URM1: variants seen among roughly 807,000 people sequenced by gnomAD.
The protein encoded by URM1 is ubiquitin-related modifier 1.
Under a neutral mutation model 17.7 loss-of-function variants are expected in URM1, and 11 were observed. That is an observed-to-expected ratio of 0.62 (90% CI 0.39 to 1.03). URM1 has a LOEUF of 1.03. Ranked by LOEUF, URM1 falls within the 50% of genes least tolerant of loss-of-function variation. URM1 has a pLI of 0.00. For missense variants in URM1, 128 were observed against 129.2 expected, an observed-to-expected ratio of 0.99 and a Z score of 0.04; for synonymous variants, 48 against 50.6, an observed-to-expected ratio of 0.95 and a Z score of 0.22.
At chr9:128,379,449 A>G (rs12346596) in intron 2 of URM1, among the ~76,000 whole-genome samples, 7,389 of 152,230 alleles carry the variant, frequency 0.049, 327 homozygotes, top group African/African-American at 0.11. Context: ...ATTGCACTCC[A>G]GCCTGGGCAA....
At chr9:128,384,923 C>G (rs534208170) in intron 2 of URM1, among the ~76,000 whole-genome samples, 1 of 152,286 alleles carries the variant, frequency 6.6e-6, no homozygotes, top group African/African-American at 2.4e-5. Flanking sequence ...CCCTACCTCC[C>G]CAGTTGTCCA....
At chr9:128,388,546 C>T in intron 3 of URM1, 1 of 986,042 alleles carries the variant, frequency 1.0e-6, no homozygotes, top group Non-Finnish European at 1.2e-6. Context: ...AAGCATAGGT[C>T]ACTGTCAGGT....
rs993109268 is a variant in URM1, at chr9:128,390,610, A to C, written c.*876A>C. The C allele has an allele frequency of 1.3e-5, 2 of 152,470 alleles. No homozygotes were observed. Among genetic ancestry groups the C allele is most frequent in the African/African-American group, 4.8e-5 (2 of 41,454 alleles). The allele number at this position is 152,470 out of a possible 1,614,324, so 9.4% of individuals were successfully genotyped here. A position where few individuals can be genotyped will look rare whatever the true frequency, so the allele number is the denominator to read the frequency against. On this transcript the variant is annotated 3_prime_UTR_variant, in exon 5 of 5. Transcript: ENST00000372853. ...CTTCCCACCTCCTGCAGGAAGCAGGACGGGGCAGGCAGCACCTGGTAGGCA... is the reference window on the plus strand; with the variant it reads ...CTTCCCACCTCCTGCAGGAAGCAGGCCGGGGCAGGCAGCACCTGGTAGGCA...
rs1833287233 is a variant in URM1, at chr9:128,389,918, AGCAGCGGAAG to A, written c.*189_*198del. 1.7e-5 allele frequency: 13 copies of A among 761,720 alleles called. No homozygotes were observed. Among genetic ancestry groups the A allele is most frequent in the Non-Finnish European group, 2.1e-5 (10 of 486,336 alleles). The allele number at this position is 761,720 out of a possible 1,614,324, so 47.2% of individuals were successfully genotyped here. A position where few individuals can be genotyped will look rare whatever the true frequency, so the allele number is the denominator to read the frequency against. ...AAAATGAGCCTTTCTCAAGCACGTG[AGCAGCGGAAG>A]GCAGACAGGCGCCAGAGCCCAGCAC... On this transcript the variant is annotated 3_prime_UTR_variant, in exon 5 of 5. Coordinates refer to ENST00000372853, the MANE Select transcript of URM1 (RefSeq NM_030914.4).
chr9:128,385,429 A>G (rs372558931), intron 2 of URM1, among the ~76,000 whole-genome samples: 17 of 152,136 alleles, frequency 1.1e-4, no homozygotes, highest in Non-Finnish European at 1.9e-4. Flanking sequence ...CATCTTGCAC[A>G]TAGTAGCTGC....
rs1833308529 is a variant in URM1, at chr9:128,391,151, A to G, written c.*1417A>G. On this transcript the variant is annotated 3_prime_UTR_variant, in exon 5 of 5. Transcript: ENST00000372853. The stretch of plus-strand genomic sequence containing the variant: ...AGAATTAGGGTGCTAACATCCCACC[A>G]AAAGCATCATCCCACCCAAAATGTT... 6.6e-6 allele frequency: 1 copy of G among 152,246 alleles called. No individual in the cohort carries two copies. The allele number at this position is 152,246 out of a possible 1,614,324, so 9.4% of individuals were successfully genotyped here.
chr9:128,380,855 C>T (rs955837614), intron 2 of URM1, among the ~76,000 whole-genome samples: 3 of 151,978 alleles, frequency 2.0e-5, no homozygotes, highest in Non-Finnish European at 4.4e-5. Flanking sequence ...GACGTAGTCT[C>T]GCTCTGTTGC....
rs1218262509 is a variant in URM1 at position 128,387,539 on chromosome 9, T to G, written c.107-277T>G. On this transcript the variant is annotated intron_variant, in intron 2 of 4. Transcript: ENST00000372853. The surrounding 1 kb of genome is among the most constrained non-coding windows in gnomAD (Gnocchi z 4.3). ...TGCGACAGTCCTCCCGCCGTCTGCCTTGAATCCCCCCACTATAGGTAAATC... is the reference window on the plus strand; with the variant it reads ...TGCGACAGTCCTCCCGCCGTCTGCCGTGAATCCCCCCACTATAGGTAAATC... 1.3e-5 allele frequency among the ~76,000 whole-genome samples: 2 copies of G among 152,148 alleles called. No homozygotes were observed. The highest frequency in any genetic ancestry group is 1.5e-5 in the Non-Finnish European group (1 of 68,032).
At chr9:128,375,606 C>T (rs1833065956) in intron 1 of URM1, among the ~76,000 whole-genome samples, 1 of 152,122 alleles carries the variant, frequency 6.6e-6, no homozygotes, top group Non-Finnish European at 1.5e-5. Context: ...GTCGCCCAGG[C>T]TGCAGTACAG....
chr9:128,384,201 C>T (rs1221358241), intron 2 of URM1, among the ~76,000 whole-genome samples: 1 of 152,224 alleles, frequency 6.6e-6, no homozygotes, highest in Non-Finnish European at 1.5e-5. Flanking sequence ...AGAACTCAAC[C>T]ACTCCAGCAT....
At chr9:128,389,059 C>G (rs1015928607) in intron 3 of URM1, 1 of 1,352,288 alleles carries the variant, frequency 7.4e-7, no homozygotes, top group Non-Finnish European at 9.5e-7. Context: ...CATTTTCCAT[C>G]TGGCTACAAA....
chr9:128,373,607 C>T (rs950956342), intron 1 of URM1, among the ~76,000 whole-genome samples: 6 of 152,152 alleles, frequency 3.9e-5, no homozygotes, highest in East Asian at 1.9e-4. Context: ...CTCAGCAGAG[C>T]GTTTTCTCAG....
chr9:128,377,986 T>C, intron 1 of URM1, 50 bp from the exon 2 acceptor site: 1 of 1,606,126 alleles, frequency 6.2e-7, no homozygotes, highest in African/African-American at 1.3e-5. Flanking sequence ...TACCTCTTCC[T>C]ATTTGCAGGA....
chr9:128,371,320 C>G, upstream of URM1: 2 of 1,589,170 alleles, frequency 1.3e-6, no homozygotes, highest in Non-Finnish European at 1.7e-6. Flanking sequence ...CGGAGACGCC[C>G]GGAAATTTGC....
At chr9:128,383,472 G>A (rs905713296) in intron 2 of URM1, among the ~76,000 whole-genome samples, 2 of 152,180 alleles carry the variant, frequency 1.3e-5, no homozygotes, top group South Asian at 4.1e-4. Context: ...ACTTGGTGGG[G>A]ACAGAGGCAG....
At chr9:128,383,778 C>A (rs1833191352) in intron 2 of URM1, among the ~76,000 whole-genome samples, 1 of 152,136 alleles carries the variant, frequency 6.6e-6, no homozygotes, top group South Asian at 2.1e-4. Context: ...CGTTTCAGTC[C>A]CACGAGGCTG....
Position 128,378,035 on chromosome 9 carries a change from G to A in URM1, c.36-1G>A, listed in dbSNP as rs1833100422. On this transcript the variant is annotated splice_acceptor_variant, in intron 1 of 4. Coordinates refer to ENST00000372853, the MANE Select transcript of URM1 (RefSeq NM_030914.4). LOFTEE classifies it high-confidence loss of function. Reference sequence around the variant, plus strand: ...TCTTTTTCTCTGGTCCTCCTTTGCAGAGGTGGTGCGGAGCTCCTGTTTGAC... The same window carrying A: ...TCTTTTTCTCTGGTCCTCCTTTGCAAAGGTGGTGCGGAGCTCCTGTTTGAC... 6.2e-7 allele frequency: 1 copy of A among 1,611,862 alleles called. No homozygotes were observed. The highest frequency in any genetic ancestry group is 1.1e-5 in the South Asian group (1 of 90,662).
intron 1 of URM1, among the ~76,000 whole-genome samples, chr9:128,375,308 G>A (rs1227984864): frequency 2.0e-5 from 3 of 152,140 alleles, no homozygotes; most frequent in African/African-American, 7.2e-5. Context: ...GCATGGGCAG[G>A]AGCATTCAAA....
At chr9:128,388,622 C>T in intron 3 of URM1, 2 of 986,318 alleles carry the variant, frequency 2.0e-6, no homozygotes, top group Non-Finnish European at 2.4e-6. Context: ...CTGGAGGCCA[C>T]CTCTAAGGCC....
Sources: gnomAD v4.1 joint callset for allele counts (sites outside exome capture counted in the v4.1 genomes callset) on GRCh38, gnomAD v4.1.1 for gene constraint, Gnocchi (gnomAD v3.1) non-coding constraint, MANE v1.5 for transcripts, NCBI Gene and HGNC (gene_info 2026-07-23, HGNC 2026-07-21) for gene names.